Variants in NEDD4 observed in about 807,000 individuals in gnomAD.
The protein encoded by NEDD4 is NEDD4 E3 ubiquitin protein ligase.
In NEDD4, 99 loss-of-function variants were observed where a neutral mutation model predicts 144.9. That is an observed-to-expected ratio of 0.68 (90% CI 0.58 to 0.81). The LOEUF (loss-of-function observed/expected upper bound fraction) is 0.81. Among genes scored for constraint, NEDD4 ranks in the 30% least tolerant of loss-of-function variants. The pLI is 0.00. For missense variants in NEDD4, 985 were observed against 1,065.9 expected (o/e 0.92, Z 1.06); for synonymous variants, 318 against 350.6 (o/e 0.91, Z 1.04).
In NEDD4 at chr15:55,993,513, C is replaced by G. The variant is rs755902039; in HGVS notation, c.43G>C (p.Glu15Gln). The change falls in exon 1 of 29, where the codon GAG (glutamate) becomes CAG (glutamine). Residue 15 changes from glutamate to glutamine, a missense_variant and splice_region_variant. Coordinates refer to ENST00000435532, the MANE Select transcript of NEDD4 (RefSeq NM_006154.4). ...AVEVFGLLEDEENSRIVRVRV... is the reference protein window; with the variant it reads ...AVEVFGLLEDQENSRIVRVRV... ...CCGCAGCCCCGCGGTCCCCGCACCT[C>G]GTCCTCCAGGAGCCCGAACACCTCC... 2 of 1,598,164 alleles carry G rather than the reference C, an allele frequency of 1.3e-6. No individual in the cohort carries two copies. The highest frequency in any genetic ancestry group is 8.5e-7 in the Non-Finnish European group (1 of 1,174,400).
intron 4 of NEDD4, among the ~76,000 whole-genome samples, chr15:55,933,753 T>C (rs1414949514): frequency 6.6e-6 from 1 of 152,184 alleles, no homozygotes; most frequent in African/African-American, 2.4e-5. Flanking sequence ...GCTGCTGCCA[T>C]GTGAAGAGGG....
chr15:55,981,145 C>A (rs2037796565), intron 1 of NEDD4, among the ~76,000 whole-genome samples: 1 of 151,556 alleles, frequency 6.6e-6, no homozygotes, highest in African/African-American at 2.4e-5. Context: ...CAGGTTCAAG[C>A]AATTCTCCTG....
intron 1 of NEDD4, among the ~76,000 whole-genome samples, chr15:55,975,557 G>T (rs1201807101): frequency 6.6e-6 from 1 of 151,012 alleles, no homozygotes; most frequent in Non-Finnish European, 1.5e-5. Flanking sequence ...AAACAACTAG[G>T]AATAAACTTA....
chr15:55,863,715 T>C (rs1017876874), intron 8 of NEDD4, among the ~76,000 whole-genome samples: 3 of 152,188 alleles, frequency 2.0e-5, no homozygotes, highest in African/African-American at 7.2e-5. Flanking sequence ...CTCTAAATTA[T>C]CAACTGAATG....
At chr15:55,943,246 C>A (rs986501096) in intron 4 of NEDD4, among the ~76,000 whole-genome samples, 1 of 152,120 alleles carries the variant, frequency 6.6e-6, no homozygotes, top group Admixed American at 6.5e-5. Flanking sequence ...AAAAGAAAGC[C>A]CCATTTTGTG....
intron 2 of NEDD4, among the ~76,000 whole-genome samples, chr15:55,965,843 G>A (rs1272047991): frequency 6.6e-6 from 1 of 152,056 alleles, no homozygotes; most frequent in Admixed American, 6.6e-5. Flanking sequence ...TAGAGACAGG[G>A]TTTCACCATG....
Position 55,834,089 on chromosome 15 carries a change from C to T in NEDD4, c.2379G>A (p.Lys793=), listed in dbSNP as rs765920290. Residue 793 remains lysine, a synonymous_variant, in exon 26 of 29, where the codon AAG becomes AAA. Coordinates refer to ENST00000435532, the MANE Select transcript of NEDD4 (RefSeq NM_006154.4). ...VDVNDWREHT[K]YKNGYSANHQ... Reference sequence around the variant, plus strand: ...GATTTGCACTGTAGCCATTTTTATACTTTGTATGTTCCCTCCAGTCATTCA... The same window carrying T: ...GATTTGCACTGTAGCCATTTTTATATTTTGTATGTTCCCTCCAGTCATTCA... The T allele has an allele frequency of 6.2e-7, 1 of 1,613,684 alleles. No homozygotes were observed. The highest frequency in any genetic ancestry group is 1.1e-5 in the South Asian group (1 of 91,080).
In NEDD4 at chr15:55,848,436, G is replaced by A. The variant is rs200649067; in HGVS notation, c.1484-6C>T. 4.1e-4 allele frequency: 658 copies of A among 1,613,650 alleles called. No homozygotes were observed. The highest frequency in any genetic ancestry group is 6.6e-4 in the Middle Eastern group (4 of 6,050). ...CCATTGTGTTCTTTTTATATCTGAA[G>A]GGAAGAAAAAGAAAAAAGATGTACT... On this transcript the variant is annotated splice_polypyrimidine_tract_variant and splice_region_variant and intron_variant, in intron 16 of 28. Transcript: ENST00000435532.
intron 4 of NEDD4, among the ~76,000 whole-genome samples, chr15:55,940,518 T>TCCTCTCTCTCTCTCTCTCTCTCTCTCTC (rs2036978544): frequency 9.4e-6 from 1 of 106,192 alleles, no homozygotes. Flanking sequence ...CTCCTCCCCC[T>TCCTCTCTCTCTCTCTCTCTCTCTCTCTC]TCTCTCTCTC....
intron 4 of NEDD4, among the ~76,000 whole-genome samples, chr15:55,947,321 G>A (rs946289204): frequency 7.6e-6 from 1 of 131,994 alleles, no homozygotes; most frequent in Non-Finnish European, 1.8e-5. Flanking sequence ...AATGATAAAG[G>A]GGATATCACC....
intron 4 of NEDD4, chr15:55,934,772 T>C (rs2036851466): frequency 6.7e-6 from 1 of 149,946 alleles, no homozygotes. Context: ...TACCAGCATA[T>C]AAGAAATTTT....
intron 1 of NEDD4, among the ~76,000 whole-genome samples, chr15:55,981,822 A>G (rs1347374402): frequency 2.0e-5 from 3 of 152,224 alleles, no homozygotes; most frequent in Non-Finnish European, 4.4e-5. Flanking sequence ...GATGGACACT[A>G]AAGTTGACAA....
intron 4 of NEDD4, among the ~76,000 whole-genome samples, chr15:55,946,985 A>C (rs1178764301): frequency 6.6e-6 from 1 of 152,234 alleles, no homozygotes; most frequent in East Asian, 1.9e-4. Context: ...ACATACCAGA[A>C]TCTCTGGGAC....
intron 5 of NEDD4, among the ~76,000 whole-genome samples, chr15:55,920,973 T>G (rs16976652): frequency 0.14 from 21,968 of 152,106 alleles, 1,703 homozygotes; most frequent in East Asian, 0.35. Context: ...TATTTCCCAC[T>G]CATAGAAGAG....
chr15:55,940,775 G>C (rs1350626807), intron 4 of NEDD4, among the ~76,000 whole-genome samples: 6 of 151,938 alleles, frequency 3.9e-5, no homozygotes, highest in African/African-American at 1.5e-4. Context: ...GCCCACCCTG[G>C]CCTCTCGAAG....
chr15:55,829,159 G>T lies in NEDD4; in HGVS notation c.*738C>A, dbSNP rs1205814080. 2 of 152,304 alleles carry T rather than the reference G, an allele frequency of 1.3e-5. No homozygotes were observed. The highest frequency in any genetic ancestry group is 2.9e-5 in the Non-Finnish European group (2 of 68,026). The allele number at this position is 152,304 out of a possible 1,614,324, so 9.4% of individuals were successfully genotyped here. A position where few individuals can be genotyped will look rare whatever the true frequency, so the allele number is the denominator to read the frequency against. On this transcript the variant is annotated 3_prime_UTR_variant, in exon 29 of 29. Coordinates refer to ENST00000435532, the MANE Select transcript of NEDD4 (RefSeq NM_006154.4). ...AATAGGATATGCAGGCAAGAGAAAG[G>T]CTTTAATACTTTTTACCCATTGCAA...
chr15:55,852,343 C>G, intron 13 of NEDD4, 81 bp downstream of exon 13: 3 of 1,444,394 alleles, frequency 2.1e-6, no homozygotes, highest in Non-Finnish European at 2.8e-6. Context: ...CCAGTGTATC[C>G]TACAAAGTGA....
chr15:55,947,210 A>G (rs1443728595), intron 4 of NEDD4, among the ~76,000 whole-genome samples: 1 of 152,230 alleles, frequency 6.6e-6, no homozygotes, highest in East Asian at 1.9e-4. Flanking sequence ...AAAATCAATG[A>G]ATCCAGGAGG....
At chr15:55,981,238 G>C (rs540778364) in intron 1 of NEDD4, among the ~76,000 whole-genome samples, 1 of 151,824 alleles carries the variant, frequency 6.6e-6, no homozygotes, top group Admixed American at 6.6e-5. Context: ...AGACATATGT[G>C]GGATTCTCAT....
Sources: allele counts gnomAD v4.1 joint callset (sites outside exome capture counted in the v4.1 genomes callset), GRCh38; gene constraint gnomAD v4.1.1; transcripts MANE v1.5; gene names NCBI Gene and HGNC (gene_info 2026-07-23, HGNC 2026-07-21).